Variants in TMED8 observed in about 807,000 individuals in gnomAD.
TMED8 encodes transmembrane p24 trafficking protein family member 8.
Under a neutral mutation model 32.7 loss-of-function variants are expected in TMED8, and 15 were observed. The ratio of observed to expected loss-of-function variants is 0.46; its 90% CI spans 0.31 to 0.71. The LOEUF (loss-of-function observed/expected upper bound fraction) is 0.71, where lower values mean the gene tolerates loss of function less well. Ranked by LOEUF, TMED8 falls within the 30% of genes least tolerant of loss-of-function variation. TMED8 has a pLI of 0.06. For synonymous variants in TMED8, 147 were observed against 161.4 expected (o/e 0.91, Z 0.68); for missense variants, 390 against 423.9 (o/e 0.92, Z 0.70).
At chr14:77,372,931 TATATATATATATATATATATA>T (rs1383446148) in intron 1 of TMED8, among the ~76,000 whole-genome samples, 515 of 33,548 alleles carry the variant, frequency 0.015, 15 homozygotes, top group African/African-American at 0.051. Context: ...TATATATATA[TATATATATATATATATATATA>T]TTTTTTTTTT....
In TMED8 at chr14:77,346,227, T is replaced by C. The variant is rs551028492; in HGVS notation, c.327+122A>G. The C allele has an allele frequency of 8.8e-6, 9 of 1,018,972 alleles. No individual in the cohort carries two copies. In the African/African-American group the frequency reaches 1.3e-4, roughly 15 times the overall value. 63.1% of individuals were successfully genotyped at this position (1,018,972 alleles called of 1,614,324 possible). On this transcript the variant is annotated intron_variant, in intron 3 of 5. Transcript: ENST00000216468. Reference sequence around the variant, plus strand: ...TAATGAAGACCAAGATGCCCTAAATTAGAGGGCAAAGAGAGAATTCCGGGA... The same window carrying C: ...TAATGAAGACCAAGATGCCCTAAATCAGAGGGCAAAGAGAGAATTCCGGGA...
At chr14:77,355,198 CTTTTT>C (rs769300656) in intron 1 of TMED8, among the ~76,000 whole-genome samples, 16 of 138,874 alleles carry the variant, frequency 1.2e-4, no homozygotes, top group East Asian at 1.0e-3. Context: ...GCACTAAACA[CTTTTT>C]TTTTTTTTTT....
At chr14:77,364,568 C>G (rs1041862793) in intron 1 of TMED8, among the ~76,000 whole-genome samples, 4 of 152,082 alleles carry the variant, frequency 2.6e-5, no homozygotes, top group African/African-American at 9.7e-5. Flanking sequence ...CACTGTGTTG[C>G]CCAGGCTGGA....
rs1893831368 is a variant in TMED8 at position 77,376,870 on chromosome 14, TCG to T, written c.118+64_118+65del. The T allele has an allele frequency of 1.9e-6, 2 of 1,058,726 alleles. No individual in the cohort carries two copies. The highest frequency in any genetic ancestry group is 2.1e-5 in the South Asian group (1 of 46,818). 65.6% of individuals were successfully genotyped at this position (1,058,726 alleles called of 1,614,324 possible). A position where few individuals can be genotyped will look rare whatever the true frequency, so the allele number is the denominator to read the frequency against. ...GCCCAGGACAGAGCGCGGCGGAGGC[TCG>T]CGCCGTGGTGCGGGGCCCTGAGGCC... On this transcript the variant is annotated intron_variant, in intron 1 of 5. Transcript: ENST00000216468. This position sits in a 1 kb window ranked among gnomAD's most constrained non-coding sequence, Gnocchi z 4.0.
intron 2 of TMED8, 62 bp from the exon 3 acceptor site, chr14:77,346,540 G>A: frequency 1.1e-5 from 18 of 1,600,724 alleles, no homozygotes; most frequent in East Asian, 4.5e-5. Context: ...TCATCCTGGA[G>A]AAACTTTGAA....
intron 1 of TMED8, among the ~76,000 whole-genome samples, chr14:77,353,738 G>C (rs1320985864): frequency 6.6e-6 from 1 of 151,888 alleles, no homozygotes; most frequent in East Asian, 1.9e-4. Context: ...TGAGATTACA[G>C]GCGTGAGCCA....
rs144869183 is a variant in TMED8 at position 77,369,516 on chromosome 14, G to A, written c.118+7420C>T. ...GGAGTTCACCAGGCTCCCCCTTGACGGGTCCTGAACACTAATCCATTTCCT... is the reference window on the plus strand; with the variant it reads ...GGAGTTCACCAGGCTCCCCCTTGACAGGTCCTGAACACTAATCCATTTCCT... On this transcript the variant is annotated intron_variant, in intron 1 of 5. Transcript: ENST00000216468. Among the ~76,000 whole-genome samples, 818 of 152,288 alleles carry A rather than the reference G, an allele frequency of 5.4e-3. 5 individuals are homozygous for A. The highest frequency in any genetic ancestry group is 8.4e-3 in the Non-Finnish European group (572 of 68,028).
intron 1 of TMED8, among the ~76,000 whole-genome samples, chr14:77,370,272 T>C (rs1256155499): frequency 6.6e-6 from 1 of 152,196 alleles, no homozygotes; most frequent in Non-Finnish European, 1.5e-5. Context: ...TCCTGTCCTT[T>C]GGATCGTAAT....
chr14:77,349,186 C>CGGCTCACTGCAACTCTGCCTCCCT (rs2139611171), intron 2 of TMED8, among the ~76,000 whole-genome samples: 1 of 141,796 alleles, frequency 7.1e-6, no homozygotes, highest in East Asian at 2.1e-4. Flanking sequence ...TCTCGGATCT[C>CGGCTCACTGCAACTCTGCCTCCCT]GGCTCACTGC....
At position 77,376,828 on chromosome 14, in the gene TMED8, G is replaced by A. The variant is rs1342912638; in HGVS notation, c.118+108C>T. The A allele has an allele frequency of 6.2e-6, 4 of 640,500 alleles. No homozygotes were observed. The highest frequency in any genetic ancestry group is 1.9e-5 in the African/African-American group (1 of 52,276). The allele number at this position is 640,500 out of a possible 1,614,324, so 39.7% of individuals were successfully genotyped here. The stretch of plus-strand genomic sequence containing the variant: ...GCGCGCGAAGGGGCTGCCGAGGTGG[G>A]TCCGCTCCGCGGGGAAGCCCAGGAC... On this transcript the variant is annotated intron_variant, in intron 1 of 5. Coordinates refer to ENST00000216468, the MANE Select transcript of TMED8 (RefSeq NM_213601.3). The surrounding 1 kb of genome is among the most constrained non-coding windows in gnomAD (Gnocchi z 4.0).
chr14:77,344,521 C>T (rs1892982788), intron 3 of TMED8, among the ~76,000 whole-genome samples: 1 of 152,216 alleles, frequency 6.6e-6, no homozygotes, highest in Non-Finnish European at 1.5e-5. Flanking sequence ...GCATTTGATA[C>T]TCAAAGCCCT....
At chr14:77,347,080 C>G (rs1893065199) in intron 2 of TMED8, among the ~76,000 whole-genome samples, 2 of 152,160 alleles carry the variant, frequency 1.3e-5, no homozygotes, top group Non-Finnish European at 2.9e-5. Flanking sequence ...CCATCCCACC[C>G]CCTGGCCCCA....
At chr14:77,370,511 G>A (rs1376396498) in intron 1 of TMED8, among the ~76,000 whole-genome samples, 2 of 152,102 alleles carry the variant, frequency 1.3e-5, no homozygotes, top group Non-Finnish European at 1.5e-5. Context: ...ACATAGTGAA[G>A]TCTCATGCCA....
Position 77,343,720 on chromosome 14 carries a change from T to G in TMED8, c.431A>C (p.Asp144Ala). ...ACCTTTCCTGTGGTCCCCCAGAAGA[T>G]CTGCAGATTCCAAATCAGCTGAAAG... ...DVLSADLESA[D>A]LLGDHRKVSP... is the part of the protein sequence containing the mutation. The change falls in exon 4 of 6, where the codon GAT (aspartate) becomes GCT (alanine). Residue 144 changes from aspartate to alanine, a missense_variant. Asp to Ala is a moderately radical substitution (Grantham distance 126, BLOSUM62 -2). Transcript: ENST00000216468. 1 of 1,614,174 alleles carries G rather than the reference T, an allele frequency of 6.2e-7. No individual in the cohort carries two copies. The highest frequency in any genetic ancestry group is 8.5e-7 in the Non-Finnish European group (1 of 1,180,040).
At chr14:77,349,632 T>G (rs2139611765) in intron 2 of TMED8, among the ~76,000 whole-genome samples, 1 of 152,200 alleles carries the variant, frequency 6.6e-6, no homozygotes, top group East Asian at 1.9e-4. Flanking sequence ...CCTGCAGGTT[T>G]TCTGCTGAGA....
At chr14:77,362,794 T>C (rs949910060) in intron 1 of TMED8, among the ~76,000 whole-genome samples, 1 of 152,126 alleles carries the variant, frequency 6.6e-6, no homozygotes, top group Non-Finnish European at 1.5e-5. Flanking sequence ...GAAAAAGATA[T>C]TCCATGTAAA....
chr14:77,369,318 G>A (rs1893625488), intron 1 of TMED8, among the ~76,000 whole-genome samples: 1 of 152,194 alleles, frequency 6.6e-6, no homozygotes, highest in East Asian at 1.9e-4. Flanking sequence ...TCTTATTCAA[G>A]AGTGTCTTTG....
chr14:77,366,833 C>T (rs142740000), intron 1 of TMED8, among the ~76,000 whole-genome samples: 240 of 152,188 alleles, frequency 1.6e-3, no homozygotes, highest in African/African-American at 5.6e-3. Flanking sequence ...AATTGAAGCT[C>T]GGAGAAATCA....
At chr14:77,342,605 T>C (rs1892931894) in intron 5 of TMED8, among the ~76,000 whole-genome samples, 1 of 152,206 alleles carries the variant, frequency 6.6e-6, no homozygotes, top group African/African-American at 2.4e-5. Context: ...GACCTACTCT[T>C]ACGTTATCTG....
Sources: allele counts gnomAD v4.1 joint callset (sites outside exome capture counted in the v4.1 genomes callset), GRCh38; gene constraint gnomAD v4.1.1; non-coding constraint Gnocchi (gnomAD v3.1); transcripts MANE v1.5; gene names NCBI Gene and HGNC (gene_info 2026-07-23, HGNC 2026-07-21).